Variants in LRRC7 observed in about 807,000 individuals in gnomAD.
The protein encoded by LRRC7 is leucine-rich repeat-containing protein 7.
Under a neutral mutation model 175.7 loss-of-function variants are expected in LRRC7, and 23 were observed. That is an observed-to-expected ratio of 0.13 (90% confidence interval 0.09 to 0.19). The LOEUF (loss-of-function observed/expected upper bound fraction) is 0.19, where lower values mean the gene tolerates loss of function less well. Ranked by LOEUF, LRRC7 falls within the 10% of genes least tolerant of loss-of-function variation. The pLI is 1.00. For synonymous variants in LRRC7, 685 were observed against 680.9 expected (o/e 1.01, Z -0.09); for missense variants, 1,354 against 1,904.7 (o/e 0.71, Z 5.38).
chr1:69,864,157 GA>G (rs1285349364), intron 7 of LRRC7, among the ~76,000 whole-genome samples: 2 of 151,470 alleles, frequency 1.3e-5, no homozygotes, highest in Non-Finnish European at 2.9e-5. Flanking sequence ...TGCTCTCTTA[GA>G]AAAAAAAGAA....
At chr1:70,044,848 C>T (rs746293225) in intron 22 of LRRC7, among the ~76,000 whole-genome samples, 5 of 152,042 alleles carry the variant, frequency 3.3e-5, no homozygotes, top group African/African-American at 4.8e-5. Context: ...TAGTGGAAAC[C>T]AATGAGTCAT....
chr1:69,662,494 G>A (rs1657620456), intron 1 of LRRC7, among the ~76,000 whole-genome samples: 1 of 152,042 alleles, frequency 6.6e-6, no homozygotes, highest in Non-Finnish European at 1.5e-5. Flanking sequence ...TTGTTCTTTT[G>A]GTAAATCATT....
At chr1:69,838,119 A>T (rs1197445545) in intron 6 of LRRC7, 108 bp from the exon 7 acceptor site, 1 of 642,580 alleles carries the variant, frequency 1.6e-6, no homozygotes, top group Non-Finnish European at 2.7e-6. Flanking sequence ...TTAAATATAC[A>T]TTATTGTTAA....
intron 8 of LRRC7, among the ~76,000 whole-genome samples, chr1:69,941,736 T>G (rs1648734122): frequency 6.6e-6 from 1 of 152,054 alleles, no homozygotes; most frequent in South Asian, 2.1e-4. Context: ...GCCACAAACA[T>G]CATAAAATCG....
intron 5 of LRRC7, among the ~76,000 whole-genome samples, chr1:69,829,574 CTG>C (rs1214491555): frequency 1.3e-5 from 2 of 151,324 alleles, no homozygotes; most frequent in Admixed American, 6.6e-5. Flanking sequence ...TTCTATGTAA[CTG>C]TGTATTTGTA....
chr1:69,586,997 T>C (rs1171176839), intron 1 of LRRC7, among the ~76,000 whole-genome samples: 2 of 152,210 alleles, frequency 1.3e-5, no homozygotes, highest in African/African-American at 4.8e-5. Context: ...AGAGGTTTTT[T>C]CTGGCATTCA....
At chr1:69,760,135 C>T (rs1344433296) in intron 2 of LRRC7, 56 bp from the exon 3 acceptor site, 1 of 1,568,112 alleles carries the variant, frequency 6.4e-7, no homozygotes, top group African/African-American at 1.4e-5. Flanking sequence ...ACAAGAATGC[C>T]TTCCAAGGGC....
intron 2 of LRRC7, among the ~76,000 whole-genome samples, chr1:69,739,458 C>T (rs961890341): frequency 6.6e-6 from 1 of 152,204 alleles, no homozygotes; most frequent in African/African-American, 2.4e-5. Context: ...GGCCATCTTT[C>T]TACTACTGCC....
At chr1:69,660,009 A>G (rs941750590) in intron 1 of LRRC7, among the ~76,000 whole-genome samples, 2 of 152,084 alleles carry the variant, frequency 1.3e-5, no homozygotes, top group South Asian at 2.1e-4. Flanking sequence ...ATTCTGATTT[A>G]AAACTGAATT....
intron 3 of LRRC7, among the ~76,000 whole-genome samples, chr1:69,785,925 A>G (rs531554711): frequency 1.3e-5 from 2 of 152,306 alleles, no homozygotes; most frequent in African/African-American, 4.8e-5. Flanking sequence ...ATGTCATTTA[A>G]GCAGTCTTTT....
chr1:69,990,504 A>G (rs1327882), intron 10 of LRRC7, among the ~76,000 whole-genome samples: 4,141 of 152,214 alleles, frequency 0.027, 87 homozygotes, highest in Non-Finnish European at 0.041. Context: ...TAGTGCCTGT[A>G]AAGAGGAATC....
At chr1:69,738,862 G>C (rs1668406348) in intron 2 of LRRC7, among the ~76,000 whole-genome samples, 1 of 152,018 alleles carries the variant, frequency 6.6e-6, no homozygotes, top group African/African-American at 2.4e-5. Context: ...GAAAAAAGTA[G>C]ATAGGCAGGA....
chr1:69,981,172 A>G (rs1054772822), intron 9 of LRRC7, among the ~76,000 whole-genome samples: 5 of 152,172 alleles, frequency 3.3e-5, no homozygotes, highest in East Asian at 1.9e-4. Flanking sequence ...AAGTCTCCCT[A>G]TTGTTTTGTA....
intron 2 of LRRC7, among the ~76,000 whole-genome samples, chr1:69,682,855 C>G (rs935471121): frequency 6.6e-6 from 1 of 152,144 alleles, no homozygotes; most frequent in Non-Finnish European, 1.5e-5. Context: ...GCATGCTCAA[C>G]TTTCTCTTTT....
At chr1:70,111,651 G>T (rs1217809321) in intron 26 of LRRC7, among the ~76,000 whole-genome samples, 1 of 152,026 alleles carries the variant, frequency 6.6e-6, no homozygotes, top group African/African-American at 2.4e-5. Context: ...TATGAATACA[G>T]AAAATCTAGT....
intron 2 of LRRC7, among the ~76,000 whole-genome samples, chr1:69,744,165 G>T (rs1669015081): frequency 6.6e-6 from 1 of 151,684 alleles, no homozygotes; most frequent in African/African-American, 2.4e-5. Flanking sequence ...ACCTAAGAAG[G>T]TTAAGTGACT....
At chr1:69,855,010 A>G (rs1683431647) in intron 7 of LRRC7, among the ~76,000 whole-genome samples, 1 of 152,100 alleles carries the variant, frequency 6.6e-6, no homozygotes, top group African/African-American at 2.4e-5. Context: ...GATATGTATT[A>G]TGTATTTAGG....
intron 24 of LRRC7, among the ~76,000 whole-genome samples, chr1:70,078,729 T>C (rs1353621569): frequency 4.0e-5 from 6 of 151,744 alleles, no homozygotes; most frequent in African/African-American, 1.5e-4. Context: ...AATGAGAACA[T>C]TGCTACCCAC....
At chr1:70,018,624 T>TC (rs1278206863) in intron 14 of LRRC7, 95 bp from the exon 15 acceptor site, 6 of 643,870 alleles carry the variant, frequency 9.3e-6, no homozygotes, top group Non-Finnish European at 1.5e-5. Context: ...TTTCACTTTT[T>TC]CCCCCCAATG....
Sources: gnomAD v4.1 joint callset for allele counts (sites outside exome capture counted in the v4.1 genomes callset) on GRCh38, gnomAD v4.1.1 for gene constraint, MANE v1.5 for transcripts, NCBI Gene and HGNC (gene_info 2026-07-23, HGNC 2026-07-21) for gene names.